GALNT10: variants seen among roughly 807,000 people sequenced by gnomAD.
GALNT10 encodes the protein GalNAc transferase 10.
Under a neutral mutation model 75.0 loss-of-function variants are expected in GALNT10, and 41 were observed. That is an observed-to-expected ratio of 0.55 (90% confidence interval 0.43 to 0.71). The LOEUF (loss-of-function observed/expected upper bound fraction) is 0.71. GALNT10 is among the 30% of genes least tolerant of loss of function. The pLI is 0.00. For missense variants in GALNT10, 727 were observed against 818.5 expected, an observed-to-expected ratio of 0.89 and a Z score of 1.36; for synonymous variants, 302 against 313.0, an observed-to-expected ratio of 0.96 and a Z score of 0.37.
chr5:154,393,668 T>TA (rs1291141100), intron 7 of GALNT10, among the ~76,000 whole-genome samples: 4 of 151,954 alleles, frequency 2.6e-5, no homozygotes, highest in South Asian at 4.2e-4. Flanking sequence ...ACCTCATCTC[T>TA]AAAAAAAAGT....
At chr5:154,414,940 G>A (rs1406987378) in intron 10 of GALNT10, among the ~76,000 whole-genome samples, 3 of 152,108 alleles carry the variant, frequency 2.0e-5, no homozygotes, top group East Asian at 1.9e-4. Context: ...CCTGACCAAC[G>A]TGGTGAAACC....
In GALNT10 at chr5:154,386,393, A is replaced by C. The variant is rs1253231050; in HGVS notation, c.1019A>C (p.Glu340Ala). The change falls in exon 7 of 12, where the codon GAG becomes GCG. Residue 340 changes from glutamate (E) to alanine (A), a missense_variant. Glu to Ala is a moderately radical substitution (Grantham distance 107, BLOSUM62 -1). Transcript: ENST00000297107. ...WELGGYDPGL[E>A]IWGGEQYEIS... The stretch of plus-strand genomic sequence containing the variant: ...CTCGGCGGGTATGACCCAGGCTTGG[A>C]GATCTGGGGAGGGGAGCAGTATGAA... The C allele has an allele frequency of 1.2e-6, 2 of 1,613,582 alleles. No individual in the cohort carries two copies. The highest frequency in any genetic ancestry group is 1.7e-6 in the Non-Finnish European group (2 of 1,179,556).
At chr5:154,219,808 T>TCG (rs1414413010) in intron 1 of GALNT10, 6 of 139,306 alleles carry the variant, frequency 4.3e-5, no homozygotes, top group South Asian at 2.4e-4. Flanking sequence ...AAACACTCTC[T>TCG]CGCGCTCTCT....
At chr5:154,325,176 GCCT>G (rs112897022) in intron 3 of GALNT10, among the ~76,000 whole-genome samples, 112,482 of 151,288 alleles carry the variant, frequency 0.74, 41,933 homozygotes, top group Admixed American at 0.8. Flanking sequence ...GCCTAACCGT[GCCT>G]CTGAGAGGAA....
At chr5:154,344,555 A>G (rs1210160371) in intron 4 of GALNT10, among the ~76,000 whole-genome samples, 1 of 152,118 alleles carries the variant, frequency 6.6e-6, no homozygotes, top group Non-Finnish European at 1.5e-5. Context: ...TCAAGAACAG[A>G]TATTCCGCTT....
intron 1 of GALNT10, among the ~76,000 whole-genome samples, chr5:154,270,909 G>A (rs77218780): frequency 4.7e-5 from 7 of 149,330 alleles, no homozygotes; most frequent in Middle Eastern, 3.5e-3. Context: ...CAGGAGAATC[G>A]CTTGAGCCTG....
At chr5:154,393,314 T>C (rs1194522340) in intron 7 of GALNT10, among the ~76,000 whole-genome samples, 1 of 152,096 alleles carries the variant, frequency 6.6e-6, no homozygotes, top group African/African-American at 2.4e-5. Flanking sequence ...CCTCAAGCAG[T>C]CTTCCTGCCT....
chr5:154,345,628 C>CTTTT (rs751597207), intron 4 of GALNT10, among the ~76,000 whole-genome samples: 3 of 118,516 alleles, frequency 2.5e-5, no homozygotes, highest in East Asian at 2.4e-4. Context: ...AAATTTCCAC[C>CTTTT]TTTTTTTTTT....
chr5:154,376,224 A>G lies in GALNT10; in HGVS notation c.569-53A>G, dbSNP rs1454042602. On this transcript the variant is annotated intron_variant, in intron 4 of 11. Coordinates refer to ENST00000297107, the MANE Select transcript of GALNT10 (RefSeq NM_198321.4). This position sits in a 1 kb window ranked among gnomAD's most constrained non-coding sequence, Gnocchi z 4.1. ...GTTCACATGTAAGGGAGGAGTCATA[A>G]GGATGACTACTAAGCAACTGTTCTC... The G allele has an allele frequency of 6.9e-6, 8 of 1,162,656 alleles. No individual in the cohort carries two copies. The highest frequency in any genetic ancestry group is 7.7e-6 in the Non-Finnish European group (6 of 782,324). 72.0% of individuals were successfully genotyped at this position (1,162,656 alleles called of 1,614,324 possible).
At chr5:154,345,904 C>CAA (rs1755115335) in intron 4 of GALNT10, among the ~76,000 whole-genome samples, 1 of 151,164 alleles carries the variant, frequency 6.6e-6, no homozygotes, top group East Asian at 1.9e-4. Context: ...CTCAGCCACC[C>CAA]AAAGTGCCTG....
At chr5:154,197,959 G>A (rs1774970953) in intron 1 of GALNT10, among the ~76,000 whole-genome samples, 1 of 152,108 alleles carries the variant, frequency 6.6e-6, no homozygotes, top group South Asian at 2.1e-4. Flanking sequence ...CAGGACAAAG[G>A]ACCTGTCTTC....
At chr5:154,288,781 A>G (rs1754149457) in intron 1 of GALNT10, among the ~76,000 whole-genome samples, 1 of 152,262 alleles carries the variant, frequency 6.6e-6, no homozygotes, top group African/African-American at 2.4e-5. Flanking sequence ...TGAAAAATCC[A>G]GACGTGATCT....
intron 8 of GALNT10, among the ~76,000 whole-genome samples, chr5:154,408,432 T>A (rs534941103): frequency 1.2e-4 from 19 of 152,294 alleles, no homozygotes; most frequent in African/African-American, 4.6e-4. Context: ...TGAAGAAAGA[T>A]GTTTTGGAGC....
At chr5:154,396,096 C>T (rs1756013838) in intron 7 of GALNT10, among the ~76,000 whole-genome samples, 1 of 152,168 alleles carries the variant, frequency 6.6e-6, no homozygotes, top group Non-Finnish European at 1.5e-5. Context: ...TACCTTCACC[C>T]GGCTTTCAAG....
chr5:154,266,144 A>T (rs564588682), intron 1 of GALNT10, among the ~76,000 whole-genome samples: 56 of 152,314 alleles, frequency 3.7e-4, no homozygotes, highest in African/African-American at 1.3e-3. Context: ...GCAAGTAAAT[A>T]TCGAGCATTA....
intron 3 of GALNT10, among the ~76,000 whole-genome samples, chr5:154,307,265 A>G (rs1259363994): frequency 6.6e-6 from 1 of 152,226 alleles, no homozygotes; most frequent in South Asian, 2.1e-4. Flanking sequence ...CTTCCCATAA[A>G]GAAAACTTTA....
intron 3 of GALNT10, among the ~76,000 whole-genome samples, chr5:154,326,093 T>C (rs1195282957): frequency 6.7e-6 from 1 of 149,800 alleles, no homozygotes; most frequent in African/African-American, 2.4e-5. Context: ...AACCTGAAAG[T>C]AAAATATACA....
At chr5:154,404,048 G>A (rs771627473) in intron 7 of GALNT10, 56 bp from the exon 8 acceptor site, 9 of 1,361,222 alleles carry the variant, frequency 6.6e-6, no homozygotes, top group South Asian at 2.3e-5. Context: ...CTGGCCTGGC[G>A]GGATGGTGAA....
chr5:154,295,045 T>A, intron 2 of GALNT10, 127 bp downstream of exon 2: 1 of 496,016 alleles, frequency 2.0e-6, no homozygotes, highest in Non-Finnish European at 3.7e-6. Flanking sequence ...CTGGACCTCC[T>A]GTTGGCTCCC....
Sources: allele counts gnomAD v4.1 joint callset (sites outside exome capture counted in the v4.1 genomes callset), GRCh38; gene constraint gnomAD v4.1.1; non-coding constraint Gnocchi (gnomAD v3.1); transcripts MANE v1.5; gene names NCBI Gene and HGNC (gene_info 2026-07-23, HGNC 2026-07-21).